Variants in C10orf67 observed in about 807,000 individuals in gnomAD.
C10orf67 encodes uncharacterized protein C10orf67, mitochondrial.
A neutral mutation model predicts 35.6 loss-of-function variants in C10orf67; 60 were observed. That is an observed-to-expected ratio of 1.68 (90% CI 1.37 to 2.09). The LOEUF is 2.09. Ranked by LOEUF, C10orf67 falls within the 30% of genes most tolerant of loss-of-function variation. The probability of loss-of-function intolerance (pLI) is 0.00; values close to 1 mark genes in which losing one functional copy is unlikely to be tolerated. For missense variants in C10orf67, 474 were observed against 330.2 expected (o/e 1.44, Z -3.38); for synonymous variants, 167 against 115.8 (o/e 1.44, Z -2.84).
intron 12 of C10orf67, among the ~76,000 whole-genome samples, chr10:23,241,229 C>T (rs1464967028): frequency 2.6e-5 from 4 of 152,220 alleles, no homozygotes; most frequent in South Asian, 4.1e-4. Context: ...CAATACAATG[C>T]CTTTCGCACT....
At chr10:23,284,601 G>A (rs1207149126) in intron 7 of C10orf67, among the ~76,000 whole-genome samples, 1 of 152,036 alleles carries the variant, frequency 6.6e-6, no homozygotes, top group East Asian at 1.9e-4. Flanking sequence ...TGAGGTGGGA[G>A]AATTGCTTGA....
rs1480002198 is a variant in C10orf67 at position 23,341,192 on chromosome 10, T to A, written c.206+3377A>T. Among the ~76,000 whole-genome samples the A allele has an allele frequency of 2.0e-5, 3 of 152,206 alleles. No individual in the cohort carries two copies. The East Asian group carries it at 5.8e-4, about 29-fold the overall frequency. ...TAAGACACCATCTTTGTGCTAATTA[T>A]TTCCAAACTGATACAGCCGAGCTGA... On this transcript the variant is annotated intron_variant, in intron 1 of 15. Coordinates refer to ENST00000636213, the MANE Select transcript of C10orf67 (RefSeq NM_001371909.1).
At chr10:23,311,440 G>A (rs1318527056) in intron 4 of C10orf67, among the ~76,000 whole-genome samples, 2 of 152,146 alleles carry the variant, frequency 1.3e-5, no homozygotes, top group African/African-American at 2.4e-5. Context: ...GGCCGGGCAC[G>A]GTGGCTCATG....
In C10orf67 at chr10:23,208,606, A is replaced by T. The variant is rs77806126; in HGVS notation, c.1571-4351T>A. Among the ~76,000 whole-genome samples the T allele has an allele frequency of 3.1e-3, 465 of 152,316 alleles. 12 individuals are homozygous for T. In the East Asian group the frequency reaches 0.05, roughly 16 times the overall value. ...CACTGAGAAAAATCTCTATATCCTCAGTGCCTCGCCTAGGCCTTTGCTTAG... is the reference window on the plus strand; with the variant it reads ...CACTGAGAAAAATCTCTATATCCTCTGTGCCTCGCCTAGGCCTTTGCTTAG... On this transcript the variant is annotated intron_variant, in intron 15 of 15. Transcript: ENST00000636213.
intron 7 of C10orf67, among the ~76,000 whole-genome samples, chr10:23,286,887 C>T (rs367784354): frequency 1.3e-5 from 2 of 152,262 alleles, no homozygotes; most frequent in African/African-American, 4.8e-5. Context: ...CCACCTCTGA[C>T]CAATCAGGGT....
At chr10:23,290,349 G>C (rs961326172) in intron 6 of C10orf67, among the ~76,000 whole-genome samples, 2 of 152,084 alleles carry the variant, frequency 1.3e-5, no homozygotes, top group Admixed American at 1.3e-4. Context: ...GACTATACTG[G>C]CATGGTAGAA....
Position 23,239,435 on chromosome 10 carries a change from C to T in C10orf67, c.1434+294G>A, listed in dbSNP as rs939708790. ...CCGTGGCCACAAATGGGCAGACTGA[C>T]AGATATGCTCCAGGCAGAATGAGTG... On this transcript the variant is annotated intron_variant, in intron 13 of 15. Transcript: ENST00000636213. Among the ~76,000 whole-genome samples, 7 of 152,300 alleles carry T rather than the reference C, an allele frequency of 4.6e-5. No homozygotes were observed. The East Asian group carries it at 1.4e-3, about 29-fold the overall frequency.
At chr10:23,226,645 C>A (rs914193622) in intron 13 of C10orf67, among the ~76,000 whole-genome samples, 1 of 152,040 alleles carries the variant, frequency 6.6e-6, no homozygotes, top group Non-Finnish European at 1.5e-5. Flanking sequence ...ATCAATGAAT[C>A]CAGGAGGTGG....
chr10:23,234,710 T>TA lies in C10orf67; in HGVS notation c.1434+5018dup, dbSNP rs58761189. ...TAAATAATGAGTTTCAAGTCAAGGCTAAAAAAAAAAAAAGGTAAATAAGGT... is the reference window on the plus strand; with the variant it reads ...TAAATAATGAGTTTCAAGTCAAGGCTAAAAAAAAAAAAAAGGTAAATAAGGT... On this transcript the variant is annotated intron_variant, in intron 13 of 15. Transcript: ENST00000636213. 4.7e-3 allele frequency among the ~76,000 whole-genome samples: 639 copies of TA among 136,514 alleles called. 14 individuals carry two copies. In the East Asian group the frequency reaches 0.076, roughly 16 times the overall value. The allele number at this position is 136,514 out of a possible 152,430, so 89.6% of individuals were successfully genotyped here. A position where few individuals can be genotyped will look rare whatever the true frequency, so the allele number is the denominator to read the frequency against.
chr10:23,282,952 G>T (rs1239305137), intron 7 of C10orf67, among the ~76,000 whole-genome samples: 2 of 150,426 alleles, frequency 1.3e-5, no homozygotes, highest in East Asian at 3.9e-4. Flanking sequence ...AGGGTTAATG[G>T]TACAAAAAAA....
Position 23,240,254 on chromosome 10 carries a change from G to A in C10orf67, c.1347-438C>T, listed in dbSNP as rs144708385. On this transcript the variant is annotated intron_variant, in intron 12 of 15. Transcript: ENST00000636213. The stretch of plus-strand genomic sequence containing the variant: ...ACAAACTTACATGTTTTTCAGCTCA[G>A]AAAAGGCATAGAAGTAATGGCAATG... 2.7e-3 allele frequency among the ~76,000 whole-genome samples: 408 copies of A among 152,152 alleles called. 1 individual carries two copies. Among genetic ancestry groups the A allele is most frequent in the Non-Finnish European group, 4.2e-3 (283 of 68,012 alleles).
intron 2 of C10orf67, among the ~76,000 whole-genome samples, chr10:23,323,258 T>A (rs1359250317): frequency 6.6e-6 from 1 of 152,242 alleles, no homozygotes; most frequent in African/African-American, 2.4e-5. Context: ...CATTTAAATA[T>A]GTAACCAGCA....
intron 10 of C10orf67, among the ~76,000 whole-genome samples, chr10:23,264,369 A>C (rs1842832148): frequency 6.6e-6 from 1 of 152,196 alleles, no homozygotes; most frequent in African/African-American, 2.4e-5. Context: ...ACCCAGTTTA[A>C]GTAATCTCTC....
At chr10:23,207,912 T>G (rs1419191306) in intron 15 of C10orf67, among the ~76,000 whole-genome samples, 1 of 152,154 alleles carries the variant, frequency 6.6e-6, no homozygotes, top group East Asian at 1.9e-4. Context: ...ACATAACAAA[T>G]TATGCAATGT....
At chr10:23,318,838 C>T in intron 4 of C10orf67, 3 of 759,842 alleles carry the variant, frequency 3.9e-6, no homozygotes, top group Non-Finnish European at 7.4e-6. Context: ...ATGACATTAC[C>T]AAGGACCCCT....
At position 23,204,280 on chromosome 10, in the gene C10orf67, A is replaced by C. The variant is rs1276351380; in HGVS notation, c.1571-25T>G. Reference sequence around the variant, plus strand: ...CCTAAACGTGAAGAAAGGTGGACAGACATAAACTTTGTTTTACTTATCATA... The same window carrying C: ...CCTAAACGTGAAGAAAGGTGGACAGCCATAAACTTTGTTTTACTTATCATA... On this transcript the variant is annotated intron_variant, in intron 15 of 15. Coordinates refer to ENST00000636213, the MANE Select transcript of C10orf67 (RefSeq NM_001371909.1). 8.3e-6 allele frequency: 5 copies of C among 603,998 alleles called. No homozygotes were observed. In the South Asian group the frequency reaches 1.0e-4, roughly 12 times the overall value. The allele number at this position is 603,998 out of a possible 1,614,324, so 37.4% of individuals were successfully genotyped here.
rs910594410 is a variant in C10orf67, at chr10:23,203,357, A to C, written c.*816T>G. On this transcript the variant is annotated 3_prime_UTR_variant, in exon 16 of 16. Coordinates refer to ENST00000636213, the MANE Select transcript of C10orf67 (RefSeq NM_001371909.1). ...AATCACCTCTGCAGCTTTCTTTTGA[A>C]CTAAAGTATATCAGCTTTATGTGAC... The C allele has an allele frequency of 2.6e-5, 4 of 152,348 alleles. No individual in the cohort carries two copies. The East Asian group carries it at 7.7e-4, about 29-fold the overall frequency. 9.4% of individuals were successfully genotyped at this position (152,348 alleles called of 1,614,324 possible). A position where few individuals can be genotyped will look rare whatever the true frequency, so the allele number is the denominator to read the frequency against.
At chr10:23,233,013 C>T (rs932893866) in intron 13 of C10orf67, among the ~76,000 whole-genome samples, 1 of 151,988 alleles carries the variant, frequency 6.6e-6, no homozygotes, top group Non-Finnish European at 1.5e-5. Context: ...AAAAATTAGC[C>T]AAGTGTGATG....
At chr10:23,249,523 GT>G (rs1368356673) in intron 12 of C10orf67, among the ~76,000 whole-genome samples, 1 of 152,204 alleles carries the variant, frequency 6.6e-6, no homozygotes, top group African/African-American at 2.4e-5. Context: ...ACTACAAGGT[GT>G]TTTTGCCCTG....
Sources: allele counts gnomAD v4.1 joint callset (sites outside exome capture counted in the v4.1 genomes callset), GRCh38; gene constraint gnomAD v4.1.1; transcripts MANE v1.5; gene names NCBI Gene and HGNC (gene_info 2026-07-23, HGNC 2026-07-21).